The following CDK13 variants were observed in gnomAD, a reference collection of about 807,000 sequenced individuals.
The protein encoded by CDK13 is cyclin dependent kinase 13, also known as cyclin-dependent kinase 13.
Under a neutral mutation model 137.6 loss-of-function variants are expected in CDK13, and 40 were observed. That is an observed-to-expected ratio of 0.29 (90% CI 0.23 to 0.38). The LOEUF is 0.38. Among genes scored for constraint, CDK13 ranks in the 10% least tolerant of loss-of-function variants. The probability of loss-of-function intolerance (pLI) is 1.00; values close to 1 mark genes in which losing one functional copy is unlikely to be tolerated. For synonymous variants in CDK13, 869 were observed against 760.1 expected (o/e 1.14, Z -2.36); for missense variants, 1,704 against 1,951.8 (o/e 0.87, Z 2.39).
At chr7:40,021,100 AACGT>A (rs1371219560) in intron 5 of CDK13, among the ~76,000 whole-genome samples, 3 of 9,962 alleles carry the variant, frequency 3.0e-4, no homozygotes, top group African/African-American at 3.3e-4. Context: ...AGAGCAAACA[AACGT>A]ATATATATAT....
At chr7:40,016,262 C>A (rs1785002787) in intron 5 of CDK13, among the ~76,000 whole-genome samples, 1 of 152,160 alleles carries the variant, frequency 6.6e-6, no homozygotes, top group Non-Finnish European at 1.5e-5. Flanking sequence ...ACTTTTGCCA[C>A]ACAGTAGTTA....
intron 1 of CDK13, among the ~76,000 whole-genome samples, chr7:39,968,401 C>T (rs897353743): frequency 3.3e-5 from 5 of 152,118 alleles, no homozygotes; most frequent in Admixed American, 1.3e-4. Flanking sequence ...ATCCAGTTTT[C>T]CCACCCCTGT....
intron 1 of CDK13, among the ~76,000 whole-genome samples, chr7:39,975,492 A>C (rs1373638693): frequency 6.6e-6 from 1 of 152,202 alleles, no homozygotes; most frequent in African/African-American, 2.4e-5. Flanking sequence ...ATTCATTACT[A>C]TTCTAGGGGC....
intron 9 of CDK13, chr7:40,072,629 C>G (rs987581200): frequency 5.9e-5 from 9 of 152,194 alleles, no homozygotes; most frequent in African/African-American, 2.2e-4. Context: ...TAGCTTTGAC[C>G]TGCCAGACCT....
Position 40,092,940 on chromosome 7 carries a change from C to T in CDK13, c.3391C>T (p.Leu1131Phe). ...ETQQQLNKINLPAGILATGEK... is the reference protein window; with the variant it reads ...ETQQQLNKINFPAGILATGEK... ...TCAACAGCAGCTAAATAAAATAAAC[C>T]TTCCTGCTGGAATTTTGGCAACAGG... Residue 1131 changes from leucine to phenylalanine, a missense_variant, in exon 13 of 14, where the codon CTT becomes TTT. By Grantham distance (22) the Leu-to-Phe change is conservative (BLOSUM62 0). Around this residue, in one of 5 missense-constraint regions of CDK13, gnomAD observed 475 missense variants for 579.3 expected, o/e 0.82. Coordinates refer to ENST00000181839, the MANE Select transcript of CDK13 (RefSeq NM_003718.5). 1 of 1,614,174 alleles carries T rather than the reference C, an allele frequency of 6.2e-7. No individual in the cohort carries two copies. Among genetic ancestry groups the T allele is most frequent in the East Asian group, 2.2e-5 (1 of 44,886 alleles).
rs1325509720 is a variant in CDK13, at chr7:39,988,037, T to C, written c.1650T>C (p.Asn550=). The C allele has an allele frequency of 6.2e-7, 1 of 1,613,470 alleles. No individual in the cohort carries two copies. The highest frequency in any genetic ancestry group is 8.5e-7 in the Non-Finnish European group (1 of 1,179,802). ...CTCTTCAGGTAACGAAGGTGGAAAA[T>C]AATTTGATTGTAGATAAAGCCACCA... ...KPPLQVTKVE[N]NLIVDKATKK... The change falls in exon 2 of 14, where the codon AAT becomes AAC. Residue 550 remains asparagine, a synonymous_variant. Transcript: ENST00000181839.
At chr7:39,964,927 A>T (rs918724801) in intron 1 of CDK13, among the ~76,000 whole-genome samples, 9 of 151,950 alleles carry the variant, frequency 5.9e-5, no homozygotes, top group East Asian at 5.8e-4. Flanking sequence ...CATGTAGTTG[A>T]GCGGTTTGGA....
intron 11 of CDK13, among the ~76,000 whole-genome samples, chr7:40,079,480 A>G (rs974763206): frequency 6.6e-6 from 1 of 152,096 alleles, no homozygotes; most frequent in Non-Finnish European, 1.5e-5. Context: ...AATACTTAAC[A>G]CTACTACTGG....
At chr7:40,018,076 T>G (rs1785039955) in intron 5 of CDK13, among the ~76,000 whole-genome samples, 1 of 152,034 alleles carries the variant, frequency 6.6e-6, no homozygotes, top group African/African-American at 2.4e-5. Flanking sequence ...TCTTTCCCCT[T>G]TAAAAAAAAA....
At chr7:39,991,484 AGT>A (rs66520870) in intron 2 of CDK13, among the ~76,000 whole-genome samples, 45,456 of 143,404 alleles carry the variant, frequency 0.32, 7,160 homozygotes, top group Middle Eastern at 0.41. Context: ...CATTAGCAAA[AGT>A]GTGTGTGTGT....
chr7:40,071,985 T>C (rs1326300940), intron 9 of CDK13: 1 of 152,204 alleles, frequency 6.6e-6, no homozygotes, highest in African/African-American at 2.4e-5. Flanking sequence ...GTCAAATCAT[T>C]GCACATCTTC....
intron 5 of CDK13, among the ~76,000 whole-genome samples, chr7:40,023,144 G>A (rs1785162914): frequency 6.7e-6 from 1 of 149,454 alleles, no homozygotes; most frequent in South Asian, 2.1e-4. Context: ...CCAGGCTGCA[G>A]TGCAGTGACG....
chr7:40,073,127 AAAAT>A (rs1242953781), intron 9 of CDK13: 2 of 152,366 alleles, frequency 1.3e-5, no homozygotes, highest in African/African-American at 2.4e-5. Flanking sequence ...TTAAAATCAG[AAAAT>A]AAAGTTACCC....
intron 1 of CDK13, among the ~76,000 whole-genome samples, chr7:39,954,125 G>A (rs1787330163): frequency 6.6e-6 from 1 of 152,112 alleles, no homozygotes; most frequent in African/African-American, 2.4e-5. Context: ...CAGAGCACAC[G>A]TGTATGCTAA....
chr7:39,974,794 C>T (rs1455737187), intron 1 of CDK13, among the ~76,000 whole-genome samples: 1 of 152,074 alleles, frequency 6.6e-6, no homozygotes, highest in African/African-American at 2.4e-5. Context: ...AAACTCCTGA[C>T]CTCAGGTGAT....
chr7:40,055,112 A>G (rs1262992442), intron 7 of CDK13, among the ~76,000 whole-genome samples: 2 of 151,464 alleles, frequency 1.3e-5, no homozygotes, highest in Admixed American at 6.6e-5. Context: ...ATAACAACTT[A>G]TTGAAGTTAC....
At chr7:39,960,230 T>C (rs1041374933) in intron 1 of CDK13, among the ~76,000 whole-genome samples, 2 of 151,592 alleles carry the variant, frequency 1.3e-5, no homozygotes, top group African/African-American at 2.4e-5. Flanking sequence ...TTTTTTTCTA[T>C]AAGATACTTA....
chr7:40,080,920 A>G (rs972700189), intron 11 of CDK13, among the ~76,000 whole-genome samples: 1 of 152,198 alleles, frequency 6.6e-6, no homozygotes, highest in Non-Finnish European at 1.5e-5. Flanking sequence ...TATAAAGCAT[A>G]TGAAATTTAA....
rs985917822 is a variant in CDK13 at position 40,098,735 on chromosome 7, CT to C, written c.*3760del. 1 of 151,962 alleles carries C rather than the reference CT, an allele frequency of 6.6e-6. No homozygotes were observed. The highest frequency in any genetic ancestry group is 1.5e-5 in the Non-Finnish European group (1 of 67,958). 9.4% of individuals were successfully genotyped at this position (151,962 alleles called of 1,614,324 possible). ...CCTAAATTCTGCAGTAAATACTTAA[CT>C]TTTTAATAGGGAAATTGCTTCAAGA... On this transcript the variant is annotated 3_prime_UTR_variant, in exon 14 of 14. Coordinates refer to ENST00000181839, the MANE Select transcript of CDK13 (RefSeq NM_003718.5).
Sources: allele counts gnomAD v4.1 joint callset (sites outside exome capture counted in the v4.1 genomes callset), GRCh38; gene constraint gnomAD v4.1.1; regional missense constraint gnomAD v4.1.1; transcripts MANE v1.5; gene names NCBI Gene and HGNC (gene_info 2026-07-23, HGNC 2026-07-21).